Variants in CHAF1A observed in about 807,000 individuals in gnomAD.
CHAF1A encodes the protein chromatin assembly factor 1 subunit A, also known as CAF-1 subunit A.
A neutral mutation model predicts 93.2 loss-of-function variants in CHAF1A; 5 were observed. The ratio of observed to expected loss-of-function variants is 0.05; its 90% CI spans 0.03 to 0.11. The LOEUF (loss-of-function observed/expected upper bound fraction) is 0.11. Among genes scored for constraint, CHAF1A ranks in the 10% least tolerant of loss-of-function variants. The pLI is 1.00. For missense variants in CHAF1A, 1,102 were observed against 1,259.9 expected (o/e 0.87, Z 1.90); for synonymous variants, 504 against 510.3 (o/e 0.99, Z 0.17).
At chr19:4,445,702 C>A, downstream of CHAF1A, 1 of 1,561,132 alleles carries the variant, frequency 6.4e-7, no homozygotes, top group Non-Finnish European at 8.7e-7. Context: ...GCAACCTGGG[C>A]GCGGGGATGC....
rs1171285256 is a variant in CHAF1A at position 4,432,041 on chromosome 19, C to T, written c.2037C>T (p.Arg679=). The T allele has an allele frequency of 1.7e-5, 28 of 1,614,020 alleles. No individual in the cohort carries two copies. The Middle Eastern group carries it at 8.2e-4, about 47-fold the overall frequency. The change falls in exon 12 of 15, where the codon CGC becomes CGT. Residue 679 remains arginine (R), a synonymous_variant. Coordinates refer to ENST00000301280, the MANE Select transcript of CHAF1A (RefSeq NM_005483.3). ...TCCTGGCTAAGGGGAAGCGCTTTCG[C>T]GTCCTGCAACCTGTGAAGATCGGCT... The part of the protein sequence containing the change: ...DEFLAKGKRF[R]VLQPVKIGCV...
downstream of CHAF1A, chr19:4,445,829 T>A: frequency 6.7e-6 from 7 of 1,046,420 alleles, no homozygotes; most frequent in South Asian, 1.2e-4. Context: ...CTAACGCACG[T>A]CACCGCTCCC....
At position 4,409,739 on chromosome 19, in the gene CHAF1A, A is replaced by G; in HGVS notation, c.940A>G (p.Thr314Ala). 6.2e-7 allele frequency: 1 copy of G among 1,610,942 alleles called. No individual in the cohort carries two copies. The highest frequency in any genetic ancestry group is 2.2e-5 in the East Asian group (1 of 44,746). Residue 314 changes from threonine (T) to alanine (A), a missense_variant, in exon 3 of 15, where the codon ACC (threonine) becomes GCC (alanine). Physicochemically the swap from Thr to Ala is moderately conservative, Grantham distance 58. This residue lies in a region of CHAF1A where 379 missense variants were observed against 365.7 expected (regional missense o/e 1.04). Transcript: ENST00000301280. ...KQHSSTSPFP[T>A]STPLRRITKK... ...GCACAGCAGTACCAGTCCCTTCCCC[A>G]CCTCCACGCCCCTCCGCAGAGTGAG...
rs200639778 is a variant in CHAF1A, at chr19:4,409,663, C to G, written c.864C>G (p.Ser288Arg). 1.9e-6 allele frequency: 3 copies of G among 1,614,078 alleles called. No individual in the cohort carries two copies. The highest frequency in any genetic ancestry group is 3.3e-4 in the Middle Eastern group (2 of 6,084). ...EDSVLSHSSLSSPSSTSSPEG... is the reference protein window; with the variant it reads ...EDSVLSHSSLRSPSSTSSPEG... The stretch of plus-strand genomic sequence containing the variant: ...CTGTACTCAGCCATTCGTCCCTGAG[C>G]TCTCCCTCTTCCACCAGCTCGCCCG... The change falls in exon 3 of 15, where the codon AGC becomes AGG. Residue 288 changes from serine (S) to arginine (R), a missense_variant. Physicochemically the swap from Ser to Arg is moderately radical, Grantham distance 110. This residue lies in a region of CHAF1A where 379 missense variants were observed against 365.7 expected (regional missense o/e 1.04). Transcript: ENST00000301280.
chr19:4,413,188 C>G (rs1973839112), intron 3 of CHAF1A, among the ~76,000 whole-genome samples: 1 of 152,160 alleles, frequency 6.6e-6, no homozygotes, highest in African/African-American at 2.4e-5. Context: ...TCTCCTGTCT[C>G]AACCTCCCAA....
At chr19:4,442,748 G>A (rs539226730) in intron 14 of CHAF1A, among the ~76,000 whole-genome samples, 177 bp from the exon 15 acceptor site, 1 of 152,320 alleles carries the variant, frequency 6.6e-6, no homozygotes, top group South Asian at 2.1e-4. Flanking sequence ...CTGAGAGCAG[G>A]TGAGCAGGTC....
At chr19:4,402,835 A>T (rs1973607910) in intron 1 of CHAF1A, 21 bp downstream of exon 1, 1 of 1,195,094 alleles carries the variant, frequency 8.4e-7, no homozygotes, top group Non-Finnish European at 1.0e-6. Context: ...GCCCGCGCCG[A>T]GGGGAAGGGG....
At chr19:4,418,280 C>G (rs1973929733) in intron 4 of CHAF1A, among the ~76,000 whole-genome samples, 1 of 152,086 alleles carries the variant, frequency 6.6e-6, no homozygotes, top group Non-Finnish European at 1.5e-5. Context: ...TGAGTGAGTC[C>G]TAAGGTTTTG....
chr19:4,408,491 T>TTTTTTTTTTTTTTG (rs1973727044), intron 2 of CHAF1A, among the ~76,000 whole-genome samples: 1 of 111,408 alleles, frequency 9.0e-6, no homozygotes, highest in African/African-American at 3.3e-5. Context: ...TTTTTTTTTT[T>TTTTTTTTTTTTTTG]GAGAGGGAGT....
At chr19:4,427,815 T>C (rs896917674) in intron 7 of CHAF1A, among the ~76,000 whole-genome samples, 1 of 152,236 alleles carries the variant, frequency 6.6e-6, no homozygotes, top group South Asian at 2.1e-4. Context: ...CTCGAACTCC[T>C]GAGCTCAGAC....
At chr19:4,445,433 G>T, downstream of CHAF1A, 1 of 1,601,650 alleles carries the variant, frequency 6.2e-7, no homozygotes, top group East Asian at 2.2e-5. Context: ...CCCTGGGGTG[G>T]CGGGGAGAGG....
In CHAF1A at chr19:4,432,187, G is replaced by C. The variant is rs756362611; in HGVS notation, c.2183G>C (p.Arg728Pro). 2 of 1,608,924 alleles carry C rather than the reference G, an allele frequency of 1.2e-6. No individual in the cohort carries two copies. The highest frequency in any genetic ancestry group is 1.1e-5 in the South Asian group (1 of 90,914). Residue 728 changes from arginine to proline, a missense_variant, in exon 12 of 15, where the codon CGG (arginine) becomes CCG (proline). Arg to Pro is a moderately radical substitution (Grantham distance 103). Transcript: ENST00000301280. Reference protein sequence around the residue: ...QEEQTPKASKRERRDEQILAQ... With the variant: ...QEEQTPKASKPERRDEQILAQ... ...GAGCAGACGCCCAAGGCCTCCAAGC[G>C]GGAGAGGAGAGACGAGCAGAGTGAG... is the stretch of plus-strand genomic sequence containing the variant.
At position 4,429,631 on chromosome 19, in the gene CHAF1A, G is replaced by T. The variant is rs372721846; in HGVS notation, c.1773+25G>T. 2.4e-5 allele frequency: 38 copies of T among 1,613,918 alleles called. No homozygotes were observed. In the Admixed American group the frequency reaches 6.3e-4, roughly 27 times the overall value. ...GGTGAGCTAGCCCCAGAGTGCCTCC[G>T]TCCCCGTACCTCCTCACTGTGCCCC... On this transcript the variant is annotated intron_variant, in intron 9 of 14. Coordinates refer to ENST00000301280, the MANE Select transcript of CHAF1A (RefSeq NM_005483.3).
chr19:4,441,663 T>C (rs1269810138), intron 13 of CHAF1A, among the ~76,000 whole-genome samples: 2 of 151,458 alleles, frequency 1.3e-5, no homozygotes, highest in Non-Finnish European at 2.9e-5. Flanking sequence ...TCCCAGCACT[T>C]TGGGAGGCTG....
At position 4,409,425 on chromosome 19, in the gene CHAF1A, A is replaced by G. The variant is rs747701573; in HGVS notation, c.626A>G (p.Glu209Gly). Residue 209 changes from glutamate (E) to glycine (G), a missense_variant, in exon 3 of 15, where the codon GAG becomes GGG. Coordinates refer to ENST00000301280, the MANE Select transcript of CHAF1A (RefSeq NM_005483.3). ...SQECSPRSCP[E>G]LTSGPRMCPR... ...GAATGTTCGCCACGGAGCTGCCCGG[A>G]GCTGACGAGTGGCCCGAGAATGTGC... 6.2e-7 allele frequency: 1 copy of G among 1,614,096 alleles called. No homozygotes were observed. The highest frequency in any genetic ancestry group is 1.7e-5 in the Admixed American group (1 of 60,008).
intron 1 of CHAF1A, 106 bp from the exon 2 acceptor site, chr19:4,405,806 G>A (rs981489757): frequency 4.3e-6 from 4 of 926,666 alleles, no homozygotes; most frequent in Admixed American, 1.8e-5. Flanking sequence ...AGGACAGAGG[G>A]GTCAGAATTG....
Position 4,430,477 on chromosome 19 carries a change from C to A in CHAF1A, c.1855-72C>A, listed in dbSNP as rs879029511. 3.8e-6 allele frequency: 4 copies of A among 1,043,334 alleles called. No homozygotes were observed. In the African/African-American group the frequency reaches 4.7e-5, roughly 12 times the overall value. 64.6% of individuals were successfully genotyped at this position (1,043,334 alleles called of 1,614,324 possible). A position where few individuals can be genotyped will look rare whatever the true frequency, so the allele number is the denominator to read the frequency against. On this transcript the variant is annotated intron_variant, in intron 10 of 14. Transcript: ENST00000301280. Reference sequence around the variant, plus strand: ...AGAGGTGTGAGCCACTGCGCCTGGCCTACTTTGTTTTTAATAAGGCACACA... The same window carrying A: ...AGAGGTGTGAGCCACTGCGCCTGGCATACTTTGTTTTTAATAAGGCACACA...
chr19:4,446,758 A>G (rs771603858), downstream of CHAF1A: 33 of 1,611,428 alleles, frequency 2.0e-5, no homozygotes, highest in East Asian at 6.7e-4. Flanking sequence ...TGTGCAATGG[A>G]GAGACCCCCA....
At chr19:4,427,570 G>A (rs893060817) in intron 7 of CHAF1A, among the ~76,000 whole-genome samples, 4 of 150,680 alleles carry the variant, frequency 2.7e-5, no homozygotes, top group African/African-American at 9.8e-5. Context: ...CCACCACCAT[G>A]CCAAGCTAAT....
Sources: gnomAD v4.1 joint callset for allele counts (sites outside exome capture counted in the v4.1 genomes callset) on GRCh38, gnomAD v4.1.1 for gene constraint, gnomAD v4.1.1 regional missense constraint, MANE v1.5 for transcripts, NCBI Gene and HGNC (gene_info 2026-07-23, HGNC 2026-07-21) for gene names.